GPR39: variants seen among roughly 807,000 people sequenced by gnomAD.
The protein encoded by GPR39 is G protein-coupled receptor 39.
In GPR39, 23 loss-of-function variants were observed where a neutral mutation model predicts 18.4. The ratio of observed to expected loss-of-function variants is 1.25; its 90% CI spans 0.90 to 1.77. GPR39 has a LOEUF of 1.77. Ranked by LOEUF, GPR39 falls within the 40% of genes most tolerant of loss-of-function variation. The probability of loss-of-function intolerance (pLI) is 0.00; values close to 1 mark genes in which losing one functional copy is unlikely to be tolerated. For missense variants in GPR39, 647 were observed against 602.4 expected, an observed-to-expected ratio of 1.07 and a Z score of -0.78; for synonymous variants, 280 against 257.9, an observed-to-expected ratio of 1.09 and a Z score of -0.82.
At chr2:132,583,869 G>A (rs947839917) in intron 1 of GPR39, among the ~76,000 whole-genome samples, 1 of 151,838 alleles carries the variant, frequency 6.6e-6, no homozygotes, top group African/African-American at 2.4e-5. Context: ...TCTTCACACT[G>A]TGACCTCCAG....
chr2:132,625,523 G>A (rs191282699), intron 1 of GPR39, among the ~76,000 whole-genome samples: 1 of 152,238 alleles, frequency 6.6e-6, no homozygotes, highest in East Asian at 1.9e-4. Flanking sequence ...GTGCATTCCA[G>A]TTTTACGAAG....
intron 1 of GPR39, among the ~76,000 whole-genome samples, chr2:132,450,925 T>C (rs4560177): frequency 0.8 from 121,382 of 152,176 alleles, 49,262 homozygotes; most frequent in Non-Finnish European, 0.87. Context: ...AGCAACCTAA[T>C]TCTGTTTGCC....
chr2:132,555,159 C>G (rs1258960022), intron 1 of GPR39, among the ~76,000 whole-genome samples: 1 of 152,036 alleles, frequency 6.6e-6, no homozygotes, highest in Non-Finnish European at 1.5e-5. Flanking sequence ...ACCATGTTAG[C>G]CAGGATGGTC....
intron 1 of GPR39, among the ~76,000 whole-genome samples, chr2:132,509,633 C>T (rs552072796): frequency 7.2e-4 from 109 of 152,326 alleles, no homozygotes; most frequent in African/African-American, 2.5e-3. Flanking sequence ...TCCTTAACTG[C>T]TCTGACTTTC....
At chr2:132,573,232 A>G (rs1680473559) in intron 1 of GPR39, among the ~76,000 whole-genome samples, 1 of 152,166 alleles carries the variant, frequency 6.6e-6, no homozygotes, top group South Asian at 2.1e-4. Flanking sequence ...GTTTTCAAAG[A>G]TTTGGAAGAC....
chr2:132,552,837 TATATATATACACAC>T, intron 1 of GPR39, among the ~76,000 whole-genome samples: 1 of 147,778 alleles, frequency 6.8e-6, no homozygotes, highest in African/African-American at 2.5e-5. Flanking sequence ...TATATACATA[TATATATATACACAC>T]ATATATATAT....
chr2:132,570,354 T>A (rs542143689), intron 1 of GPR39, among the ~76,000 whole-genome samples: 1 of 152,160 alleles, frequency 6.6e-6, no homozygotes, highest in South Asian at 2.1e-4. Flanking sequence ...CACGTTCACA[T>A]CCCCCTCCAG....
intron 1 of GPR39, among the ~76,000 whole-genome samples, chr2:132,601,266 G>A (rs1488779203): frequency 6.6e-6 from 1 of 152,106 alleles, no homozygotes; most frequent in African/African-American, 2.4e-5. Context: ...AATACACCCT[G>A]ATCAAATGGG....
At chr2:132,539,263 A>G (rs761343580) in intron 1 of GPR39, among the ~76,000 whole-genome samples, 1 of 152,104 alleles carries the variant, frequency 6.6e-6, no homozygotes, top group Non-Finnish European at 1.5e-5. Context: ...GGTAGGTGGG[A>G]CAGTCTCTCA....
intron 1 of GPR39, among the ~76,000 whole-genome samples, chr2:132,487,419 TAA>T (rs1429157103): frequency 6.6e-6 from 1 of 152,196 alleles, no homozygotes; most frequent in Non-Finnish European, 1.5e-5. Flanking sequence ...TTTATTTTTT[TAA>T]AAATACAATG....
chr2:132,560,434 C>T (rs1320086179), intron 1 of GPR39, among the ~76,000 whole-genome samples: 2 of 152,184 alleles, frequency 1.3e-5, no homozygotes, highest in Non-Finnish European at 2.9e-5. Context: ...ACCCTGATTG[C>T]ATCGAAGAAC....
chr2:132,424,507 TG>T (rs1281449062), intron 1 of GPR39, among the ~76,000 whole-genome samples: 4 of 152,188 alleles, frequency 2.6e-5, no homozygotes, highest in Non-Finnish European at 5.9e-5. Context: ...CCTCTTTAGC[TG>T]GGCAATTATC....
chr2:132,442,404 A>G (rs1573604213), intron 1 of GPR39, among the ~76,000 whole-genome samples: 1 of 151,866 alleles, frequency 6.6e-6, no homozygotes, highest in Non-Finnish European at 1.5e-5. Context: ...GTGGGGGTGG[A>G]GGGGGGCTCC....
At position 132,646,094 on chromosome 2, in the gene GPR39, C is replaced by T. The variant is rs1221173101; in HGVS notation, c.*488C>T. The T allele has an allele frequency of 4.4e-6, 7 of 1,604,444 alleles. No individual in the cohort carries two copies. Among genetic ancestry groups the T allele is most frequent in the South Asian group, 1.1e-5 (1 of 89,548 alleles). On this transcript the variant is annotated 3_prime_UTR_variant, in exon 2 of 2. Transcript: ENST00000329321. ...TAATTTGAGGAACAGGATGGTGGTG[C>T]GGAGCCCTGGCCTGAGGGCCGAGGC... is the stretch of plus-strand genomic sequence containing the variant.
At chr2:132,486,854 G>A (rs1318800742) in intron 1 of GPR39, among the ~76,000 whole-genome samples, 3 of 152,288 alleles carry the variant, frequency 2.0e-5, no homozygotes, top group East Asian at 1.9e-4. Context: ...CTTCAAGAAC[G>A]TTTCCTTTGC....
At chr2:132,522,112 G>T (rs562984760) in intron 1 of GPR39, among the ~76,000 whole-genome samples, 1 of 152,276 alleles carries the variant, frequency 6.6e-6, no homozygotes, top group Non-Finnish European at 1.5e-5. Context: ...CCGGCTGGGG[G>T]ATTTGGAGTC....
intron 1 of GPR39, among the ~76,000 whole-genome samples, chr2:132,524,419 G>C (rs1004810607): frequency 6.6e-6 from 1 of 152,196 alleles, no homozygotes; most frequent in Non-Finnish European, 1.5e-5. Flanking sequence ...TTGCTCTGCA[G>C]AGAGTGAGGG....
chr2:132,645,285 C>T lies in GPR39; in HGVS notation c.1041C>T (p.Ser347=), dbSNP rs1443048671. Reference sequence around the variant, plus strand: ...TCAACCCGCTCCTGTACACGGTGTCCTCGCAGCAGTTTCGGCGGGTGTTCG... The same window carrying T: ...TCAACCCGCTCCTGTACACGGTGTCTTCGCAGCAGTTTCGGCGGGTGTTCG... ...SVINPLLYTV[S]SQQFRRVFVQ... is the part of the protein sequence containing the mutation. Residue 347 remains serine (S), a synonymous_variant, in exon 2 of 2, where the codon TCC becomes TCT. Transcript: ENST00000329321. 2 of 1,614,238 alleles carry T rather than the reference C, an allele frequency of 1.2e-6. No homozygotes were observed. The highest frequency in any genetic ancestry group is 1.7e-6 in the Non-Finnish European group (2 of 1,180,044).
chr2:132,493,504 CCA>C (rs1558815474), intron 1 of GPR39, among the ~76,000 whole-genome samples: 1 of 32,576 alleles, frequency 3.1e-5, no homozygotes, highest in Non-Finnish European at 7.0e-5. Context: ...TATATATACA[CCA>C]TATATATATA....
Sources: allele counts gnomAD v4.1 joint callset (sites outside exome capture counted in the v4.1 genomes callset), GRCh38; gene constraint gnomAD v4.1.1; transcripts MANE v1.5; gene names NCBI Gene and HGNC (gene_info 2026-07-23, HGNC 2026-07-21).